Variants in KIAA0513 observed in about 807,000 individuals in gnomAD.
KIAA0513 encodes the protein uncharacterized protein KIAA0513.
Under a neutral mutation model 56.5 loss-of-function variants are expected in KIAA0513, and 39 were observed. That is an observed-to-expected ratio of 0.69 (90% CI 0.53 to 0.90). The LOEUF is 0.90. Ranked by LOEUF, KIAA0513 falls within the 40% of genes least tolerant of loss-of-function variation. The probability of loss-of-function intolerance (pLI) is 0.00; values close to 1 mark genes in which losing one functional copy is unlikely to be tolerated. For missense variants in KIAA0513, 591 were observed against 535.2 expected, an observed-to-expected ratio of 1.10 and a Z score of -1.03; for synonymous variants, 268 against 215.6, an observed-to-expected ratio of 1.24 and a Z score of -2.13.
chr16:85,043,158 G>A (rs1208959422), intron 1 of KIAA0513, among the ~76,000 whole-genome samples: 1 of 152,170 alleles, frequency 6.6e-6, no homozygotes, highest in Non-Finnish European at 1.5e-5. Flanking sequence ...GATAGGTACA[G>A]TAGCACTTGA....
chr16:85,045,832 G>A (rs901410008), intron 1 of KIAA0513, among the ~76,000 whole-genome samples: 1 of 152,184 alleles, frequency 6.6e-6, no homozygotes, highest in African/African-American at 2.4e-5. Flanking sequence ...CGGGCACCTC[G>A]CAAGGCTTTG....
chr16:85,054,929 C>T (rs1436621175), intron 1 of KIAA0513, among the ~76,000 whole-genome samples: 2 of 151,978 alleles, frequency 1.3e-5, no homozygotes, highest in African/African-American at 2.4e-5. Flanking sequence ...TTCTGTATTT[C>T]ATTTTATTTT....
At chr16:85,050,346 TATTTA>T (rs777202674) in intron 1 of KIAA0513, among the ~76,000 whole-genome samples, 4,578 of 122,188 alleles carry the variant, frequency 0.037, 117 homozygotes, top group African/African-American at 0.082. Context: ...TTTATTTATT[TATTTA>T]TTTATTTATT....
intron 1 of KIAA0513, among the ~76,000 whole-genome samples, chr16:85,062,341 C>G (rs771462995): frequency 9.2e-5 from 14 of 152,152 alleles, no homozygotes; most frequent in Non-Finnish European, 1.9e-4. Flanking sequence ...TTTGCAGAAT[C>G]TCATAAGGGC....
chr16:85,077,352 C>T, intron 5 of KIAA0513, 73 bp from the exon 6 acceptor site: 2 of 1,445,230 alleles, frequency 1.4e-6, no homozygotes, highest in Non-Finnish European at 1.9e-6. Context: ...GCGGGGCTCC[C>T]TCTGGGCCTC....
intron 1 of KIAA0513, among the ~76,000 whole-genome samples, chr16:85,054,201 C>T (rs1300730844): frequency 6.6e-6 from 1 of 151,994 alleles, no homozygotes; most frequent in African/African-American, 2.4e-5. Flanking sequence ...TACACATTTT[C>T]TTATCACTTA....
intron 1 of KIAA0513, among the ~76,000 whole-genome samples, chr16:85,061,054 G>A (rs11644487): frequency 0.069 from 10,514 of 151,754 alleles, 392 homozygotes; most frequent in Middle Eastern, 0.1. Flanking sequence ...TTGGGAGGCC[G>A]AGGCAGGAGA....
chr16:85,072,278 C>CATA (rs1330227407), intron 3 of KIAA0513, among the ~76,000 whole-genome samples: 4 of 152,068 alleles, frequency 2.6e-5, no homozygotes. Flanking sequence ...AGAAACTGGG[C>CATA]TTTCAACTTT....
chr16:85,066,288 C>T (rs964931219), intron 1 of KIAA0513, among the ~76,000 whole-genome samples: 1 of 152,116 alleles, frequency 6.6e-6, no homozygotes, highest in African/African-American at 2.4e-5. Context: ...GCTGCCCAGG[C>T]TGAGGAGCCG....
At position 85,080,526 on chromosome 16, in the gene KIAA0513, G is replaced by T. The variant is rs148791804; in HGVS notation, c.903-789G>T. On this transcript the variant is annotated intron_variant, in intron 8 of 12. Transcript: ENST00000683363. ...AAGAATTTTTCTGCTGGGCACAGTG[G>T]CTCATGCCTGCAATCCCAGCACTTT... Among the ~76,000 whole-genome samples the T allele has an allele frequency of 4.6e-5, 7 of 152,334 alleles. No individual in the cohort carries two copies. The East Asian group carries it at 1.4e-3, about 29-fold the overall frequency.
At chr16:85,035,553 C>T (rs2073023825) in intron 1 of KIAA0513, among the ~76,000 whole-genome samples, 1 of 152,140 alleles carries the variant, frequency 6.6e-6, no homozygotes, top group African/African-American at 2.4e-5. Context: ...TGCAGTGGTG[C>T]AATCACCGCT....
rs760548124 is a variant in KIAA0513 at position 85,081,308 on chromosome 16, C to G, written c.903-7C>G. 2 of 1,613,050 alleles carry G rather than the reference C, an allele frequency of 1.2e-6. No homozygotes were observed. The highest frequency in any genetic ancestry group is 8.5e-7 in the Non-Finnish European group (1 of 1,179,554). ...GGAGAGAGTGTGACTGGGGCTCTGT[C>G]TTGCAGGCACACTCTGAGGTTCTGG... On this transcript the variant is annotated splice_polypyrimidine_tract_variant and splice_region_variant and intron_variant, in intron 8 of 12. Transcript: ENST00000683363. This position sits in a 1 kb window ranked among gnomAD's most constrained non-coding sequence, Gnocchi z 4.4.
intron 12 of KIAA0513, 69 bp from the exon 13 acceptor site, chr16:85,088,207 A>G (rs2073831369): frequency 1.4e-6 from 2 of 1,457,904 alleles, no homozygotes; most frequent in Non-Finnish European, 1.9e-6. Flanking sequence ...TGTCCGAGTG[A>G]CAAGAGCAGG....
intron 10 of KIAA0513, among the ~76,000 whole-genome samples, chr16:85,085,094 A>T (rs1471287506): frequency 1.3e-5 from 2 of 152,214 alleles, no homozygotes; most frequent in African/African-American, 2.4e-5. Flanking sequence ...GCAGGGCGCA[A>T]CCTGCACAGC....
intron 1 of KIAA0513, among the ~76,000 whole-genome samples, chr16:85,061,069 C>T (rs2073397532): frequency 6.6e-6 from 1 of 151,602 alleles, no homozygotes; most frequent in South Asian, 2.1e-4. Flanking sequence ...AGGAGAATTG[C>T]TTGAACCCGG....
intron 1 of KIAA0513, among the ~76,000 whole-genome samples, chr16:85,061,926 T>C (rs1352592213): frequency 6.6e-6 from 1 of 152,184 alleles, no homozygotes; most frequent in African/African-American, 2.4e-5. Flanking sequence ...TCATTGGCCT[T>C]CCCGGTTCTT....
At position 85,076,403 on chromosome 16, in the gene KIAA0513, G is replaced by A. The variant is rs1335316820; in HGVS notation, c.574+489G>A. On this transcript the variant is annotated intron_variant, in intron 5 of 12. Coordinates refer to ENST00000683363, the MANE Select transcript of KIAA0513 (RefSeq NM_001388359.1). This position sits in a 1 kb window ranked among gnomAD's most constrained non-coding sequence, Gnocchi z 4.7. ...CGGACTGTGCTTGATGCTGAGGCTA[G>A]GACATCTCTTCCGCCTCATTGCGTT... is the stretch of plus-strand genomic sequence containing the variant. Among the ~76,000 whole-genome samples the A allele has an allele frequency of 1.3e-5, 2 of 152,168 alleles. No individual in the cohort carries two copies. The highest frequency in any genetic ancestry group is 2.4e-5 in the African/African-American group (1 of 41,434).
intron 6 of KIAA0513, among the ~76,000 whole-genome samples, chr16:85,077,857 TGAG>T (rs943082695): frequency 6.6e-6 from 1 of 152,318 alleles, no homozygotes. Flanking sequence ...CTGGGACTGA[TGAG>T]GAGCCCAAGG....
chr16:85,059,892 T>C (rs867918136), intron 1 of KIAA0513, among the ~76,000 whole-genome samples: 30 of 152,366 alleles, frequency 2.0e-4, no homozygotes, highest in Middle Eastern at 6.8e-3. Flanking sequence ...GCAATTCTCC[T>C]TCACATTTTT....
Sources: allele counts gnomAD v4.1 joint callset (sites outside exome capture counted in the v4.1 genomes callset), GRCh38; gene constraint gnomAD v4.1.1; non-coding constraint Gnocchi (gnomAD v3.1); transcripts MANE v1.5; gene names NCBI Gene and HGNC (gene_info 2026-07-23, HGNC 2026-07-21).